The following CSMD1 variants were observed in gnomAD, a reference collection of about 807,000 sequenced individuals.
CSMD1 encodes CUB and Sushi multiple domains 1.
In CSMD1, 213 loss-of-function variants were observed where a neutral mutation model predicts 417.5. The ratio of observed to expected loss-of-function variants is 0.51; its 90% confidence interval spans 0.46 to 0.57. CSMD1 has a LOEUF of 0.57. CSMD1 is among the 20% of genes least tolerant of loss of function. The pLI is 0.00. For missense variants in CSMD1, 6,923 were observed against 4,529.7 expected (o/e 1.53, Z -15.17); for synonymous variants, 2,862 against 1,736.8 (o/e 1.65, Z -16.11).
At chr8:3,726,775 C>G (rs1464543634) in intron 6 of CSMD1, among the ~76,000 whole-genome samples, 1 of 152,170 alleles carries the variant, frequency 6.6e-6, no homozygotes, top group East Asian at 1.9e-4. Flanking sequence ...TTATTCTTAG[C>G]ATGCCCTCTG....
At chr8:3,462,328 C>G (rs1816557296) in intron 12 of CSMD1, among the ~76,000 whole-genome samples, 1 of 152,196 alleles carries the variant, frequency 6.6e-6, no homozygotes, top group Admixed American at 6.5e-5. Flanking sequence ...GGCAAGGGTT[C>G]CCAACCCCCA....
intron 3 of CSMD1, among the ~76,000 whole-genome samples, chr8:4,158,089 C>T (rs924955348): frequency 3.5e-5 from 5 of 142,074 alleles, no homozygotes; most frequent in Admixed American, 2.1e-4. Context: ...CAAGAAAACC[C>T]TTTTTTTTTT....
At chr8:3,590,727 A>T (rs1242078636) in intron 8 of CSMD1, among the ~76,000 whole-genome samples, 1 of 152,328 alleles carries the variant, frequency 6.6e-6, no homozygotes, top group African/African-American at 2.4e-5. Context: ...AACAGAGCCA[A>T]TGTGGGTAAA....
intron 10 of CSMD1, among the ~76,000 whole-genome samples, chr8:3,553,007 T>G (rs963891190): frequency 6.6e-6 from 1 of 152,136 alleles, no homozygotes; most frequent in African/African-American, 2.4e-5. Context: ...ACGTACTGTC[T>G]GTCAATTACT....
At chr8:4,416,084 C>T (rs1258353949) in intron 3 of CSMD1, among the ~76,000 whole-genome samples, 1 of 152,108 alleles carries the variant, frequency 6.6e-6, no homozygotes, top group African/African-American at 2.4e-5. Context: ...AAAGTCTTTG[C>T]CAATTGTTAT....
intron 3 of CSMD1, among the ~76,000 whole-genome samples, chr8:4,108,312 T>G (rs953625229): frequency 6.6e-6 from 1 of 152,158 alleles, no homozygotes; most frequent in African/African-American, 2.4e-5. Context: ...CATATGACAA[T>G]TGTAAAAATT....
In CSMD1 at chr8:4,991,313, A is replaced by G. The variant is rs142323585; in HGVS notation, c.85+3019T>C. On this transcript the variant is annotated intron_variant, in intron 1 of 69. Coordinates refer to ENST00000635120, the MANE Select transcript of CSMD1 (RefSeq NM_033225.6). The stretch of plus-strand genomic sequence containing the variant: ...CTTGGGATTCAACCTTTACAATGCC[A>G]TTAATAATCCAGAAGAAAAAGGAAA... Among the ~76,000 whole-genome samples the G allele has an allele frequency of 5.1e-3, 776 of 152,320 alleles. 8 individuals carry two copies. Among genetic ancestry groups the G allele is most frequent in the East Asian group, 0.035 (182 of 5,168 alleles).
At chr8:3,939,400 A>T (rs565641344) in intron 5 of CSMD1, among the ~76,000 whole-genome samples, 3 of 152,178 alleles carry the variant, frequency 2.0e-5, no homozygotes, top group South Asian at 4.1e-4. Flanking sequence ...GAACACTTTT[A>T]CACTACTGGT....
intron 15 of CSMD1, among the ~76,000 whole-genome samples, chr8:3,400,230 C>T (rs1263351178): frequency 1.3e-5 from 2 of 151,960 alleles, no homozygotes; most frequent in Admixed American, 1.3e-4. Context: ...TATTTCATAC[C>T]GTAATTAAGA....
chr8:4,033,316 C>A (rs1252778273), intron 3 of CSMD1, among the ~76,000 whole-genome samples: 2 of 152,052 alleles, frequency 1.3e-5, no homozygotes, highest in African/African-American at 4.8e-5. Flanking sequence ...GTGGCGGGCA[C>A]CTGTAGTCCC....
chr8:4,461,044 T>G (rs1463979782), intron 2 of CSMD1, among the ~76,000 whole-genome samples: 1 of 152,078 alleles, frequency 6.6e-6, no homozygotes, highest in African/African-American at 2.4e-5. Context: ...TCCAACAACA[T>G]ATAAAGCATT....
chr8:4,443,375 A>C (rs1323724548), intron 2 of CSMD1, among the ~76,000 whole-genome samples: 1 of 152,250 alleles, frequency 6.6e-6, no homozygotes, highest in African/African-American at 2.4e-5. Flanking sequence ...AACGGCTTTG[A>C]TAACAAAGGC....
chr8:4,191,013 G>A (rs986908327), intron 3 of CSMD1, among the ~76,000 whole-genome samples: 1 of 152,090 alleles, frequency 6.6e-6, no homozygotes, highest in African/African-American at 2.4e-5. Flanking sequence ...GTACTTGAGT[G>A]ATGAAGTCAT....
chr8:4,593,330 T>C (rs1472687247), intron 2 of CSMD1, among the ~76,000 whole-genome samples: 1 of 152,198 alleles, frequency 6.6e-6, no homozygotes, highest in Admixed American at 6.5e-5. Context: ...TAAATACTTC[T>C]GCAGCATGGC....
intron 3 of CSMD1, among the ~76,000 whole-genome samples, chr8:4,247,301 T>A (rs1369373936): frequency 6.6e-6 from 1 of 152,114 alleles, no homozygotes; most frequent in African/African-American, 2.4e-5. Flanking sequence ...GGTGGTCAAT[T>A]GTCTTCTCTA....
intron 51 of CSMD1, among the ~76,000 whole-genome samples, chr8:3,018,978 C>A (rs992988791): frequency 2.6e-5 from 4 of 152,104 alleles, no homozygotes; most frequent in African/African-American, 9.7e-5. Flanking sequence ...AGTGCAGTGG[C>A]GCTATCCTGG....
chr8:4,839,819 A>G (rs1178864519), intron 1 of CSMD1, among the ~76,000 whole-genome samples: 1 of 152,236 alleles, frequency 6.6e-6, no homozygotes, highest in Non-Finnish European at 1.5e-5. Flanking sequence ...ATCGTTAAAA[A>G]TCATCTTAGT....
At chr8:4,450,240 A>G (rs1260333227) in intron 2 of CSMD1, among the ~76,000 whole-genome samples, 1 of 152,234 alleles carries the variant, frequency 6.6e-6, no homozygotes, top group African/African-American at 2.4e-5. Context: ...AGATGAAAGC[A>G]AAGAGACAGT....
In CSMD1 at chr8:4,183,743, G is replaced by C. The variant is rs149355184; in HGVS notation, c.416-151644C>G. On this transcript the variant is annotated intron_variant, in intron 3 of 69. Coordinates refer to ENST00000635120, the MANE Select transcript of CSMD1 (RefSeq NM_033225.6). Reference sequence around the variant, plus strand: ...AATAATATATCATTTTAAAAGATTAGTGAAGCAATATGAGTATTTCGTTGA... The same window carrying C: ...AATAATATATCATTTTAAAAGATTACTGAAGCAATATGAGTATTTCGTTGA... Among the ~76,000 whole-genome samples, 5 of 152,284 alleles carry C rather than the reference G, an allele frequency of 3.3e-5. No homozygotes were observed. In the East Asian group the frequency reaches 5.8e-4, roughly 18 times the overall value.
Sources: gnomAD v4.1 joint callset for allele counts (sites outside exome capture counted in the v4.1 genomes callset) on GRCh38, gnomAD v4.1.1 for gene constraint, MANE v1.5 for transcripts, NCBI Gene and HGNC (gene_info 2026-07-23, HGNC 2026-07-21) for gene names.